Variants in AP3B2 observed in about 807,000 individuals in gnomAD.
AP3B2 encodes adaptor related protein complex 3 subunit beta 2.
Under a neutral mutation model 126.9 loss-of-function variants are expected in AP3B2, and 50 were observed. The observed-to-expected ratio is 0.39, with a 90% CI of 0.31 to 0.50. The LOEUF (loss-of-function observed/expected upper bound fraction) is 0.50, where lower values mean the gene tolerates loss of function less well. Among genes scored for constraint, AP3B2 ranks in the 20% least tolerant of loss-of-function variants. AP3B2 has a pLI of 0.79. For synonymous variants in AP3B2, 541 were observed against 565.0 expected (o/e 0.96, Z 0.60); for missense variants, 1,177 against 1,426.4 (o/e 0.83, Z 2.82).
chr15:82,700,415 T>TTTTTTTTTTTTTTTTTTTTTC (rs58240249), intron 1 of AP3B2, among the ~76,000 whole-genome samples: 6 of 133,190 alleles, frequency 4.5e-5, no homozygotes, highest in Non-Finnish European at 8.0e-5. Context: ...TTTTTTTTTT[T>TTTTTTTTTTTTTTTTTTTTTC]CAGATGGAGT....
Position 82,709,749 on chromosome 15 carries a change from C to T in AP3B2, c.-43G>A, listed in dbSNP as rs1323580524. On this transcript the variant is annotated 5_prime_UTR_variant, in exon 1 of 27. Transcript: ENST00000535359. ...TTCGCCGAGGAGGAGGTTGCGGGGC[C>T]GGAGGCCGGCTGGAGCGGAGGAAGG... The T allele has an allele frequency of 2.1e-6, 3 of 1,412,042 alleles. No individual in the cohort carries two copies. Among genetic ancestry groups the T allele is most frequent in the South Asian group, 1.4e-5 (1 of 72,840 alleles). 87.5% of individuals were successfully genotyped at this position (1,412,042 alleles called of 1,614,324 possible).
At chr15:82,670,112 T>TGTG (rs1555465705) in intron 14 of AP3B2, among the ~76,000 whole-genome samples, 2 of 68,926 alleles carry the variant, frequency 2.9e-5, no homozygotes, top group Non-Finnish European at 6.0e-5. Flanking sequence ...TTTTTTTTTT[T>TGTG]GGCGGGGGGG....
chr15:82,680,357 G>A lies in AP3B2; in HGVS notation c.1055+115C>T, dbSNP rs372667067. ...TGCGGAGGGCAGGACTACGGTCAGT[G>A]TGGAGCGGGTGGGCAGAGGTGGAAG... On this transcript the variant is annotated intron_variant, in intron 8 of 26. Transcript: ENST00000535359. The surrounding 1 kb of genome is among the most constrained non-coding windows in gnomAD (Gnocchi z 6.1). The A allele has an allele frequency of 3.3e-4, 498 of 1,488,236 alleles. No individual in the cohort carries two copies. The African/African-American group carries it at 5.7e-3, about 17-fold the overall frequency. 92.2% of individuals were successfully genotyped at this position (1,488,236 alleles called of 1,614,324 possible).
intron 14 of AP3B2, among the ~76,000 whole-genome samples, chr15:82,668,448 C>G (rs922386319): frequency 6.6e-6 from 1 of 152,226 alleles, no homozygotes; most frequent in African/African-American, 2.4e-5. Flanking sequence ...AGTCAATTAT[C>G]AAGAGGCTGC....
chr15:82,689,146 G>C lies in AP3B2; in HGVS notation c.264+12C>G, dbSNP rs1478740507. 1 of 1,613,680 alleles carries C rather than the reference G, an allele frequency of 6.2e-7. No individual in the cohort carries two copies. The highest frequency in any genetic ancestry group is 8.5e-7 in the Non-Finnish European group (1 of 1,179,704). ...GGTGGGGACAAGCAATCCCTCACCA[G>C]GTAGTGCTCACCTCTATGTTCTTAC... On this transcript the variant is annotated intron_variant, in intron 3 of 26. Transcript: ENST00000535359.
intron 14 of AP3B2, among the ~76,000 whole-genome samples, chr15:82,676,025 G>C (rs1305557876): frequency 6.6e-6 from 1 of 152,024 alleles, no homozygotes; most frequent in African/African-American, 2.4e-5. Context: ...CACCACCCAA[G>C]CCCAAGCAGA....
At chr15:82,688,163 G>A (rs1479190895) in intron 4 of AP3B2, 1 of 457,738 alleles carries the variant, frequency 2.2e-6, no homozygotes, top group African/African-American at 1.9e-5. Flanking sequence ...TGTAATCAGA[G>A]CTGAAAAATC....
chr15:82,694,831 G>T (rs2048607461), intron 1 of AP3B2, among the ~76,000 whole-genome samples: 1 of 152,202 alleles, frequency 6.6e-6, no homozygotes, highest in African/African-American at 2.4e-5. Flanking sequence ...GCTTGTAGAT[G>T]ATTCTTGTGA....
At chr15:82,666,723 G>A (rs895300291) in intron 15 of AP3B2, 24 bp downstream of exon 15, 1 of 1,609,298 alleles carries the variant, frequency 6.2e-7, no homozygotes, top group Non-Finnish European at 8.5e-7. Flanking sequence ...CCCTAGGAAG[G>A]TTACCCTTGA....
At chr15:82,662,539 C>T (rs2047969593) in intron 23 of AP3B2, 155 bp downstream of exon 23, 2 of 775,860 alleles carry the variant, frequency 2.6e-6, no homozygotes, top group Admixed American at 5.5e-5. Context: ...ATTTCATCAT[C>T]TGTCTTGTCC....
In AP3B2 at chr15:82,677,303, G is replaced by A; in HGVS notation, c.1459C>T (p.His487Tyr). ...QPAQHGEIIK[H>Y]LAKLTDNIQV... ...ATGTTGTCTGTAAGCTTTGCCAAGT[G>A]TTTGATGATCTCTCCATGTTGTGCT... Residue 487 changes from histidine (H) to tyrosine (Y), a missense_variant, in exon 13 of 27, where the codon CAC becomes TAC. Transcript: ENST00000535359. 1 of 1,613,858 alleles carries A rather than the reference G, an allele frequency of 6.2e-7. No individual in the cohort carries two copies. Among genetic ancestry groups the A allele is most frequent in the Non-Finnish European group, 8.5e-7 (1 of 1,179,850 alleles).
intron 14 of AP3B2, among the ~76,000 whole-genome samples, chr15:82,670,844 CAAT>C (rs1197434889): frequency 6.6e-6 from 1 of 151,576 alleles, no homozygotes; most frequent in Admixed American, 6.6e-5. Context: ...TCAAATAACT[CAAT>C]AGGAAAAAAA....
At chr15:82,709,425 G>A (rs2048844898) in intron 1 of AP3B2, among the ~76,000 whole-genome samples, 169 bp downstream of exon 1, 1 of 150,910 alleles carries the variant, frequency 6.6e-6, no homozygotes, top group Admixed American at 6.6e-5. Context: ...TGCCAGCGCT[G>A]CCCGCGCTGG....
intron 10 of AP3B2, 42 bp downstream of exon 10, chr15:82,679,687 G>A: frequency 6.4e-7 from 1 of 1,561,074 alleles, no homozygotes; most frequent in Non-Finnish European, 8.8e-7. Flanking sequence ...TACATGGGGT[G>A]GGGAGGGCTG....
At chr15:82,695,587 G>A (rs1346627629) in intron 1 of AP3B2, among the ~76,000 whole-genome samples, 1 of 152,146 alleles carries the variant, frequency 6.6e-6, no homozygotes, top group Admixed American at 6.5e-5. Context: ...GGTGCCTGGA[G>A]AGGGCATGGG....
chr15:82,679,539 G>C (rs572942499), intron 10 of AP3B2, among the ~76,000 whole-genome samples, 190 bp downstream of exon 10: 1 of 152,286 alleles, frequency 6.6e-6, no homozygotes, highest in South Asian at 2.1e-4. Flanking sequence ...TAGGCAAAGA[G>C]CAGTTCCCTT....
In AP3B2 at chr15:82,681,234, A is replaced by G; in HGVS notation, c.522-56T>C. 6.4e-7 allele frequency: 1 copy of G among 1,569,734 alleles called. No homozygotes were observed. The highest frequency in any genetic ancestry group is 1.7e-4 in the Middle Eastern group (1 of 5,988). On this transcript the variant is annotated intron_variant, in intron 5 of 26. Coordinates refer to ENST00000535359, the MANE Select transcript of AP3B2 (RefSeq NM_001278512.2). This position sits in a 1 kb window ranked among gnomAD's most constrained non-coding sequence, Gnocchi z 4.0. The stretch of plus-strand genomic sequence containing the variant: ...CACTCTCAGCCCCAGCCTTCCCAAT[A>G]TCTGTCCAAGCCATGCTCACCTCCT...
Position 82,681,070 on chromosome 15 carries a change from C to T in AP3B2, c.588+42G>A. 1.9e-6 allele frequency: 3 copies of T among 1,613,396 alleles called. No individual in the cohort carries two copies. Among genetic ancestry groups the T allele is most frequent in the Non-Finnish European group, 2.5e-6 (3 of 1,179,762 alleles). On this transcript the variant is annotated intron_variant, in intron 6 of 26. Transcript: ENST00000535359. The surrounding 1 kb of genome is among the most constrained non-coding windows in gnomAD (Gnocchi z 4.0). Reference sequence around the variant, plus strand: ...GTGAACGCGAAGGGTGGAAGGCCGGCTGCCGGTCACCACCCCTCCCGGAGC... The same window carrying T: ...GTGAACGCGAAGGGTGGAAGGCCGGTTGCCGGTCACCACCCCTCCCGGAGC...
intron 1 of AP3B2, among the ~76,000 whole-genome samples, chr15:82,696,524 G>A (rs1192874012): frequency 6.6e-6 from 1 of 152,198 alleles, no homozygotes; most frequent in Non-Finnish European, 1.5e-5. Context: ...ATTGCAGTGA[G>A]CCGAGATCGC....
Sources: allele counts gnomAD v4.1 joint callset (sites outside exome capture counted in the v4.1 genomes callset), GRCh38; gene constraint gnomAD v4.1.1; non-coding constraint Gnocchi (gnomAD v3.1); transcripts MANE v1.5; gene names NCBI Gene and HGNC (gene_info 2026-07-23, HGNC 2026-07-21).